The following SMYD1 variants were observed in gnomAD, a reference collection of about 807,000 sequenced individuals.
SMYD1 encodes histone-lysine N-methyltransferase SMYD1.
In SMYD1, 49 loss-of-function variants were observed where a neutral mutation model predicts 54.0. The observed-to-expected ratio is 0.91, with a 90% CI of 0.72 to 1.15. The LOEUF (loss-of-function observed/expected upper bound fraction) is 1.15, where lower values mean the gene tolerates loss of function less well. Among genes scored for constraint, SMYD1 ranks in the 50% most tolerant of loss-of-function variants. SMYD1 has a pLI of 0.00. For missense variants in SMYD1, 653 were observed against 639.6 expected (o/e 1.02, Z -0.23); for synonymous variants, 269 against 234.2 (o/e 1.15, Z -1.36).
intron 2 of SMYD1, among the ~76,000 whole-genome samples, chr2:88,087,078 CCA>C (rs1491531633): frequency 5.1e-5 from 2 of 39,580 alleles, no homozygotes; most frequent in East Asian, 5.9e-3. Context: ...TGTATAGCTT[CCA>C]AAAAAAAAAA....
intron 3 of SMYD1, among the ~76,000 whole-genome samples, chr2:88,089,029 G>A (rs1409428914): frequency 1.3e-5 from 2 of 152,170 alleles, no homozygotes; most frequent in Admixed American, 6.5e-5. Flanking sequence ...ATATTGGGGG[G>A]CAAAGGGAGA....
rs867872107 is a variant in SMYD1 at position 88,068,611 on chromosome 2, G to T, written c.137+610G>T. On this transcript the variant is annotated intron_variant, in intron 1 of 9. Transcript: ENST00000419482. ...AAGATGGATGGCTGTAGTCTGTCTGGTTTTTTTTTTTTTTTTACAGAAATG... is the reference window on the plus strand; with the variant it reads ...AAGATGGATGGCTGTAGTCTGTCTGTTTTTTTTTTTTTTTTTACAGAAATG... Among the ~76,000 whole-genome samples the T allele has an allele frequency of 8.2e-3, 1,116 of 136,634 alleles. 15 individuals carry two copies. The highest frequency in any genetic ancestry group is 0.024 in the African/African-American group (909 of 38,242). 89.6% of individuals were successfully genotyped at this position (136,634 alleles called of 152,430 possible). A position where few individuals can be genotyped will look rare whatever the true frequency, so the allele number is the denominator to read the frequency against.
chr2:88,097,734 A>C (rs1190723172), intron 6 of SMYD1, among the ~76,000 whole-genome samples: 1 of 152,168 alleles, frequency 6.6e-6, no homozygotes, highest in Non-Finnish European at 1.5e-5. Flanking sequence ...AGACTTCAAC[A>C]TATGAATTTT....
intron 5 of SMYD1, among the ~76,000 whole-genome samples, chr2:88,096,145 G>A (rs558806827): frequency 1.9e-4 from 29 of 152,280 alleles, no homozygotes; most frequent in African/African-American, 6.5e-4. Flanking sequence ...CAAGGTTGTG[G>A]GTAACCGAAT....
At position 88,108,368 on chromosome 2, in the gene SMYD1, C is replaced by T. The variant is rs372431455; in HGVS notation, c.1146-3C>T. ...TGTATAATTATCTGCTATGCTCCCA[C>T]AGGAAGCTCTACCACCCCAACAATG... On this transcript the variant is annotated splice_region_variant and splice_polypyrimidine_tract_variant and intron_variant, in intron 8 of 9. Coordinates refer to ENST00000419482, the MANE Select transcript of SMYD1 (RefSeq NM_198274.4). 48 of 1,576,368 alleles carry T rather than the reference C, an allele frequency of 3.0e-5. No homozygotes were observed. The African/African-American group carries it at 5.7e-4, about 19-fold the overall frequency.
rs1675001661 is a variant in SMYD1, at chr2:88,110,656, C to T, written c.*144C>T. On this transcript the variant is annotated 3_prime_UTR_variant, in exon 10 of 10. Coordinates refer to ENST00000419482, the MANE Select transcript of SMYD1 (RefSeq NM_198274.4). The stretch of plus-strand genomic sequence containing the variant: ...GTGAGAATTTACTGCCCTATGTTTC[C>T]CAGAGCCATTTTGGCTCAATTCAAG... 4 of 1,080,714 alleles carry T rather than the reference C, an allele frequency of 3.7e-6. No individual in the cohort carries two copies. The highest frequency in any genetic ancestry group is 6.7e-5 in the Admixed American group (2 of 29,752). 66.9% of individuals were successfully genotyped at this position (1,080,714 alleles called of 1,614,324 possible).
At chr2:88,085,817 G>A (rs1280543787) in intron 2 of SMYD1, among the ~76,000 whole-genome samples, 2 of 152,296 alleles carry the variant, frequency 1.3e-5, no homozygotes, top group Non-Finnish European at 2.9e-5. Context: ...AGTCCCATGC[G>A]GGGCATTTCT....
At position 88,067,829 on chromosome 2, in the gene SMYD1, T is replaced by C. The variant is rs200574917; in HGVS notation, c.-36T>C. The C allele has an allele frequency of 1.2e-4, 200 of 1,605,834 alleles. 1 individual carries two copies. In the East Asian group the frequency reaches 4.3e-3, roughly 35 times the overall value. On this transcript the variant is annotated 5_prime_UTR_variant, in exon 1 of 10. Transcript: ENST00000419482. Reference sequence around the variant, plus strand: ...CAATGACAAGAGACTTGGCTCAGTGTTAAATAACTGCCGCGCTGGCCTGAC... The same window carrying C: ...CAATGACAAGAGACTTGGCTCAGTGCTAAATAACTGCCGCGCTGGCCTGAC...
chr2:88,111,985 C>T lies in SMYD1; in HGVS notation c.*1473C>T, dbSNP rs534507737. Reference sequence around the variant, plus strand: ...TTCTCCATCCTCACCACATGATGACCTGCTGTGTCCCTCTGAGCACTACCC... The same window carrying T: ...TTCTCCATCCTCACCACATGATGACTTGCTGTGTCCCTCTGAGCACTACCC... On this transcript the variant is annotated 3_prime_UTR_variant, in exon 10 of 10. Transcript: ENST00000419482. 6.5e-5 allele frequency: 45 copies of T among 691,932 alleles called. 1 individual carries two copies. Among genetic ancestry groups the T allele is most frequent in the South Asian group, 6.4e-4 (42 of 66,092 alleles). 42.9% of individuals were successfully genotyped at this position (691,932 alleles called of 1,614,324 possible). A position where few individuals can be genotyped will look rare whatever the true frequency, so the allele number is the denominator to read the frequency against.
intron 7 of SMYD1, among the ~76,000 whole-genome samples, chr2:88,103,761 G>A (rs1211571202): frequency 6.6e-6 from 1 of 152,056 alleles, no homozygotes; most frequent in East Asian, 1.9e-4. Flanking sequence ...GGCCTGCGGG[G>A]TATTTGCATT....
At chr2:88,078,478 C>T (rs1449020465) in intron 1 of SMYD1, among the ~76,000 whole-genome samples, 1 of 152,044 alleles carries the variant, frequency 6.6e-6, no homozygotes, top group Non-Finnish European at 1.5e-5. Context: ...GTCACACAGC[C>T]AGTAGATATT....
intron 1 of SMYD1, among the ~76,000 whole-genome samples, chr2:88,068,981 G>T (rs1673891627): frequency 6.6e-6 from 1 of 152,150 alleles, no homozygotes. Context: ...AAGAGGAATT[G>T]CTGGGCCGTA....
intron 1 of SMYD1, among the ~76,000 whole-genome samples, chr2:88,078,284 A>G (rs1674114740): frequency 6.6e-6 from 1 of 152,212 alleles, no homozygotes; most frequent in African/African-American, 2.4e-5. Context: ...TAAAATCACT[A>G]TGAGAGTGGT....
rs1188141722 is a variant in SMYD1 at position 88,112,956 on chromosome 2, G to A, written c.*2444G>A. On this transcript the variant is annotated 3_prime_UTR_variant, in exon 10 of 10. Coordinates refer to ENST00000419482, the MANE Select transcript of SMYD1 (RefSeq NM_198274.4). ...CCCTTCATTTAATGACCACCTTAGG[G>A]CTGATGATTCTCAAATCTGTATTCC... is the stretch of plus-strand genomic sequence containing the variant. The A allele has an allele frequency of 6.6e-6, 1 of 152,144 alleles. No individual in the cohort carries two copies. The highest frequency in any genetic ancestry group is 1.5e-5 in the Non-Finnish European group (1 of 68,042). 9.4% of individuals were successfully genotyped at this position (152,144 alleles called of 1,614,324 possible).
Position 88,103,151 on chromosome 2 carries a change from GT to G in SMYD1, c.981+2del. 1 of 1,592,860 alleles carries G rather than the reference GT, an allele frequency of 6.3e-7. No homozygotes were observed. The highest frequency in any genetic ancestry group is 8.6e-7 in the Non-Finnish European group (1 of 1,166,850). On this transcript the variant is annotated splice_donor_variant, in intron 7 of 9. Transcript: ENST00000419482. LOFTEE classifies it high-confidence loss of function. ...TCGTTCCGAGGGTTTGTATCATGAGGTAAGAATTCACTTGTTATAGAGGATG... is the reference window on the plus strand; with the variant it reads ...TCGTTCCGAGGGTTTGTATCATGAGGAAGAATTCACTTGTTATAGAGGATG...
intron 1 of SMYD1, among the ~76,000 whole-genome samples, chr2:88,084,087 G>A: frequency 6.6e-6 from 1 of 152,088 alleles, no homozygotes; most frequent in East Asian, 1.9e-4. Flanking sequence ...TTTAGCATGG[G>A]CAACAAGAGT....
rs570988857 is a variant in SMYD1 at position 88,113,282 on chromosome 2, G to A, written c.*2770G>A. ...TGAATGAATGAATGAACAAATGAAT[G>A]AATTTGCTTACTTCAAGGCAAAAGA... is the stretch of plus-strand genomic sequence containing the variant. On this transcript the variant is annotated 3_prime_UTR_variant, in exon 10 of 10. Coordinates refer to ENST00000419482, the MANE Select transcript of SMYD1 (RefSeq NM_198274.4). The A allele has an allele frequency of 4.6e-5, 7 of 152,288 alleles. No individual in the cohort carries two copies. Among genetic ancestry groups the A allele is most frequent in the Middle Eastern group, 3.4e-3 (1 of 294 alleles). 9.4% of individuals were successfully genotyped at this position (152,288 alleles called of 1,614,324 possible).
chr2:88,109,513 C>T (rs1674961433), intron 9 of SMYD1, among the ~76,000 whole-genome samples: 1 of 152,146 alleles, frequency 6.6e-6, no homozygotes, highest in Non-Finnish European at 1.5e-5. Flanking sequence ...TAGTGCCTGG[C>T]AAATGGTGCT....
At position 88,103,135 on chromosome 2, in the gene SMYD1, G is replaced by A. The variant is rs750215722; in HGVS notation, c.966G>A (p.Glu322=). Residue 322 remains glutamate (E), a synonymous_variant, in exon 7 of 10, where the codon GAG becomes GAA. Coordinates refer to ENST00000419482, the MANE Select transcript of SMYD1 (RefSeq NM_198274.4). ...TLEKIDKARS[E]GLYHEVVKLC... ...AAAAGATAGACAAGGCTCGTTCCGA[G>A]GGTTTGTATCATGAGGTAAGAATTC... is the stretch of plus-strand genomic sequence containing the variant. 20 of 1,613,752 alleles carry A rather than the reference G, an allele frequency of 1.2e-5. No individual in the cohort carries two copies. The highest frequency in any genetic ancestry group is 1.6e-4 in the Middle Eastern group (1 of 6,078).
Sources: allele counts gnomAD v4.1 joint callset (sites outside exome capture counted in the v4.1 genomes callset), GRCh38; gene constraint gnomAD v4.1.1; transcripts MANE v1.5; gene names NCBI Gene and HGNC (gene_info 2026-07-23, HGNC 2026-07-21).